The following KCNIP4 variants were observed in gnomAD, a reference collection of about 807,000 sequenced individuals.
The protein encoded by KCNIP4 is Kv channel-interacting protein 4.
A neutral mutation model predicts 34.0 loss-of-function variants in KCNIP4; 12 were observed. The observed-to-expected ratio is 0.35, with a 90% confidence interval of 0.23 to 0.57. The LOEUF is 0.57. Among genes scored for constraint, KCNIP4 ranks in the 20% least tolerant of loss-of-function variants. The probability of loss-of-function intolerance (pLI) is 0.83; values close to 1 mark genes in which losing one functional copy is unlikely to be tolerated. For missense variants in KCNIP4, 238 were observed against 311.7 expected, an observed-to-expected ratio of 0.76 and a Z score of 1.78; for synonymous variants, 124 against 102.2, an observed-to-expected ratio of 1.21 and a Z score of -1.29.
At chr4:21,199,111 T>C (rs1332037770) in intron 1 of KCNIP4, among the ~76,000 whole-genome samples, 2 of 152,176 alleles carry the variant, frequency 1.3e-5, no homozygotes, top group Non-Finnish European at 2.9e-5. Flanking sequence ...CTGGGTCAAA[T>C]GGTATTTCAA....
chr4:20,776,638 T>C (rs73802321), intron 3 of KCNIP4, among the ~76,000 whole-genome samples: 2,063 of 152,302 alleles, frequency 0.014, 56 homozygotes, highest in African/African-American at 0.047. Context: ...TTAAGAATGA[T>C]TTCCCTAATT....
chr4:21,416,202 T>C (rs1724938980), intron 1 of KCNIP4, among the ~76,000 whole-genome samples: 1 of 152,246 alleles, frequency 6.6e-6, no homozygotes, highest in Non-Finnish European at 1.5e-5. Flanking sequence ...ATAAATATTT[T>C]AGCTAACCTG....
chr4:21,029,873 G>A (rs1027594019), intron 1 of KCNIP4, among the ~76,000 whole-genome samples: 1 of 152,034 alleles, frequency 6.6e-6, no homozygotes, highest in Non-Finnish European at 1.5e-5. Flanking sequence ...TGTTTCCATT[G>A]GTGTTTTACT....
At chr4:21,038,935 GCATC>G (rs1389189849) in intron 1 of KCNIP4, among the ~76,000 whole-genome samples, 1 of 151,952 alleles carries the variant, frequency 6.6e-6, no homozygotes, top group Admixed American at 6.6e-5. Context: ...AGTGAAAAAA[GCATC>G]CTGTGAAGGC....
intron 1 of KCNIP4, among the ~76,000 whole-genome samples, chr4:21,494,514 C>T (rs772797872): frequency 1.3e-5 from 2 of 151,978 alleles, no homozygotes; most frequent in Non-Finnish European, 2.9e-5. Context: ...GTGGCTTATG[C>T]CTGTAATCCT....
chr4:21,778,236 C>CTTTTTTTCCTTTTTTTTT (rs1719319930), intron 1 of KCNIP4, among the ~76,000 whole-genome samples: 1 of 25,756 alleles, frequency 3.9e-5, no homozygotes, highest in Non-Finnish European at 7.6e-5. Flanking sequence ...TTTTTTTTTT[C>CTTTTTTTCCTTTTTTTTT]TTTTTTTTTT....
chr4:21,757,424 T>C (rs1229020110), intron 1 of KCNIP4, among the ~76,000 whole-genome samples: 1 of 152,178 alleles, frequency 6.6e-6, no homozygotes, highest in Non-Finnish European at 1.5e-5. Context: ...TGATCAAGTA[T>C]CTATGTTCAG....
At chr4:21,054,379 C>T (rs1447429446) in intron 1 of KCNIP4, among the ~76,000 whole-genome samples, 2 of 151,822 alleles carry the variant, frequency 1.3e-5, no homozygotes, top group Non-Finnish European at 2.9e-5. Context: ...ATTAGCCAGG[C>T]GTGGTGGTGG....
At chr4:21,355,832 T>C (rs1363339673) in intron 1 of KCNIP4, among the ~76,000 whole-genome samples, 1 of 152,118 alleles carries the variant, frequency 6.6e-6, no homozygotes, top group Non-Finnish European at 1.5e-5. Flanking sequence ...TCCCAAAACA[T>C]GGCAGAGACA....
chr4:21,830,799 T>C (rs1722937336), intron 1 of KCNIP4, among the ~76,000 whole-genome samples: 1 of 152,102 alleles, frequency 6.6e-6, no homozygotes, highest in Non-Finnish European at 1.5e-5. Flanking sequence ...ATATGTTAGG[T>C]CAAATGGATA....
In KCNIP4 at chr4:20,820,753, G is replaced by C. The variant is rs369693084; in HGVS notation, c.288+29790C>G. Among the ~76,000 whole-genome samples, 23 of 152,294 alleles carry C rather than the reference G, an allele frequency of 1.5e-4. No homozygotes were observed. The East Asian group carries it at 4.3e-3, about 28-fold the overall frequency. On this transcript the variant is annotated intron_variant, in intron 3 of 8. Coordinates refer to ENST00000382152, the MANE Select transcript of KCNIP4 (RefSeq NM_025221.6). ...AATGGGTTCAAAGGATGGGGGCCAA[G>C]GTCCCTGTGGGACTTTGAGGCTTAC...
Position 21,501,246 on chromosome 4 carries a change from T to TCACACACA in KCNIP4, c.61+447324_61+447325insTGTGTGTG, listed in dbSNP as rs1309846168. On this transcript the variant is annotated intron_variant, in intron 1 of 8. Coordinates refer to ENST00000382152, the MANE Select transcript of KCNIP4 (RefSeq NM_025221.6). ...CTTTCTCTCTCTCTCTCTCTCTCTC[T>TCACACACA]CTCACACACACACACACACACACAC... is the stretch of plus-strand genomic sequence containing the variant. 3.3e-3 allele frequency among the ~76,000 whole-genome samples: 306 copies of TCACACACA among 93,494 alleles called. 3 individuals carry two copies. The highest frequency in any genetic ancestry group is 8.9e-3 in the African/African-American group (283 of 31,632). 61.3% of individuals were successfully genotyped at this position (93,494 alleles called of 152,430 possible).
intron 1 of KCNIP4, among the ~76,000 whole-genome samples, chr4:21,133,678 G>A: frequency 1.3e-5 from 2 of 152,098 alleles, no homozygotes; most frequent in African/African-American, 4.8e-5. Flanking sequence ...AATACTGACA[G>A]TTAAGACAAT....
At chr4:21,756,552 CAA>C (rs71191600) in intron 1 of KCNIP4, among the ~76,000 whole-genome samples, 52,073 of 124,618 alleles carry the variant, frequency 0.42, 11,053 homozygotes, top group East Asian at 0.63. Context: ...GACTCTGTCT[CAA>C]AAAAAAAAAA....
chr4:20,808,931 G>A (rs186190493), intron 3 of KCNIP4, among the ~76,000 whole-genome samples: 74 of 152,204 alleles, frequency 4.9e-4, no homozygotes, highest in South Asian at 2.7e-3. Context: ...TACCATAACC[G>A]TTTACTTAGT....
intron 1 of KCNIP4, among the ~76,000 whole-genome samples, chr4:21,404,353 C>G (rs370264333): frequency 3.5e-4 from 53 of 152,298 alleles, no homozygotes; most frequent in African/African-American, 1.2e-3. Context: ...CTCTTCCATT[C>G]CCTCAAGTCT....
At chr4:20,976,810 T>C (rs747493430) in intron 1 of KCNIP4, among the ~76,000 whole-genome samples, 1 of 152,124 alleles carries the variant, frequency 6.6e-6, no homozygotes. Flanking sequence ...TATAATCATG[T>C]TTGAACAGAA....
intron 1 of KCNIP4, among the ~76,000 whole-genome samples, chr4:21,111,711 G>A (rs1188807323): frequency 6.6e-6 from 1 of 152,186 alleles, no homozygotes; most frequent in Non-Finnish European, 1.5e-5. Context: ...CTGCCTTGGA[G>A]TAGGGGTCAG....
At chr4:21,930,623 A>G (rs1163484547) in intron 1 of KCNIP4, among the ~76,000 whole-genome samples, 1 of 152,026 alleles carries the variant, frequency 6.6e-6, no homozygotes, top group East Asian at 1.9e-4. Context: ...GATTTTTCAC[A>G]CAAATCTGAG....
Sources: allele counts gnomAD v4.1 joint callset (sites outside exome capture counted in the v4.1 genomes callset), GRCh38; gene constraint gnomAD v4.1.1; transcripts MANE v1.5; gene names NCBI Gene and HGNC (gene_info 2026-07-23, HGNC 2026-07-21).